Variants in PDK1 observed in about 807,000 individuals in gnomAD.
The protein encoded by PDK1 is pyruvate dehydrogenase kinase 1.
A neutral mutation model predicts 54.2 loss-of-function variants in PDK1; 39 were observed. That is an observed-to-expected ratio of 0.72 (90% CI 0.56 to 0.94). The LOEUF (loss-of-function observed/expected upper bound fraction) is 0.94, where lower values mean the gene tolerates loss of function less well. Ranked by LOEUF, PDK1 falls within the 40% of genes least tolerant of loss-of-function variation. The pLI, the probability that PDK1 is intolerant of heterozygous loss-of-function variation, is 0.00. For synonymous variants in PDK1, 221 were observed against 207.1 expected, an observed-to-expected ratio of 1.07 and a Z score of -0.58; for missense variants, 552 against 566.0, an observed-to-expected ratio of 0.98 and a Z score of 0.25.
the PDK1 span, among the ~76,000 whole-genome samples, chr2:172,668,904 T>TAGAGAG: frequency 4.3e-5 from 3 of 69,822 alleles, no homozygotes; most frequent in East Asian, 4.5e-4. Context: ...CATATATATA[T>TAGAGAG]ATAGAGAGAG....
At chr2:172,693,854 C>T in the PDK1 span, among the ~76,000 whole-genome samples, 1 of 152,156 alleles carries the variant, frequency 6.6e-6, no homozygotes, top group African/African-American at 2.4e-5. Context: ...TCTAGCCCAG[C>T]CCACTCCCTA....
the PDK1 span, among the ~76,000 whole-genome samples, chr2:172,662,752 A>G: frequency 1.3e-5 from 2 of 152,138 alleles, no homozygotes; most frequent in Non-Finnish European, 2.9e-5. Context: ...TAAATAATAC[A>G]TCCTTTTTTT....
upstream of PDK1, chr2:172,555,871 G>T (rs776172014): frequency 6.5e-6 from 2 of 307,596 alleles, no homozygotes; most frequent in Non-Finnish European, 1.2e-5. Flanking sequence ...CGGCGGCTGC[G>T]GCCTGGCGCG....
At chr2:172,622,759 CATT>C in the PDK1 span, among the ~76,000 whole-genome samples, 33 of 142,484 alleles carry the variant, frequency 2.3e-4, no homozygotes, top group South Asian at 4.5e-4. Context: ...GTTTATATCT[CATT>C]ATGTGAGATG....
At chr2:172,712,208 A>G in the PDK1 span, among the ~76,000 whole-genome samples, 1,101 of 152,362 alleles carry the variant, frequency 7.2e-3, 8 homozygotes, top group Non-Finnish European at 0.012. Flanking sequence ...AAAGAACAAG[A>G]TAAGTGAGTA....
intron 7 of PDK1, 74 bp downstream of exon 7, chr2:172,568,891 T>C: frequency 1.2e-6 from 1 of 816,754 alleles, no homozygotes; most frequent in Non-Finnish European, 2.2e-6. Flanking sequence ...AAGCCAAATA[T>C]TCCACTAGGT....
At chr2:172,627,241 T>A in the PDK1 span, among the ~76,000 whole-genome samples, 10 of 152,326 alleles carry the variant, frequency 6.6e-5, no homozygotes, top group African/African-American at 2.4e-4. Flanking sequence ...ACTCTTCAGT[T>A]CTCATGGTTT....
chr2:172,697,829 A>G, the PDK1 span, among the ~76,000 whole-genome samples: 1 of 152,208 alleles, frequency 6.6e-6, no homozygotes. Flanking sequence ...TCTCATTTAT[A>G]TTATACATTA....
chr2:172,638,484 G>T, the PDK1 span, among the ~76,000 whole-genome samples: 1 of 152,236 alleles, frequency 6.6e-6, no homozygotes, highest in African/African-American at 2.4e-5. Context: ...TATTTCTTTG[G>T]TGGAATCATA....
At chr2:172,556,579 A>T in intron 1 of PDK1, 1 of 377,662 alleles carries the variant, frequency 2.6e-6, no homozygotes, top group Non-Finnish European at 4.7e-6. Flanking sequence ...TTGAAAACAA[A>T]CCAGCTGGGC....
At chr2:172,619,493 TTTTTTTTAATCTAAAAGCATAAGCTTC>T in the PDK1 span, among the ~76,000 whole-genome samples, 1 of 151,952 alleles carries the variant, frequency 6.6e-6, no homozygotes, top group African/African-American at 2.4e-5. Flanking sequence ...CCTAGCTTTT[TTTTTTTTAATCTAAAAGCATAAGCTTC>T]AGAAATTTTA....
chr2:172,585,258 C>G (rs1246560686), intron 8 of PDK1, among the ~76,000 whole-genome samples: 1 of 151,518 alleles, frequency 6.6e-6, no homozygotes, highest in African/African-American at 2.4e-5. Context: ...CTCAGTCACC[C>G]AAAGTGTTGA....
chr2:172,595,251 G>T (rs116049483), intron 10 of PDK1, among the ~76,000 whole-genome samples: 1 of 151,924 alleles, frequency 6.6e-6, no homozygotes, highest in African/African-American at 2.4e-5. Flanking sequence ...TTTATTTTTT[G>T]TAGAGACAGG....
At chr2:172,655,331 C>T in the PDK1 span, among the ~76,000 whole-genome samples, 5 of 112,934 alleles carry the variant, frequency 4.4e-5, no homozygotes, top group East Asian at 1.3e-3. Context: ...TCACATTTCC[C>T]AGTGTTGAAC....
chr2:172,662,997 T>G, the PDK1 span, among the ~76,000 whole-genome samples: 2 of 152,212 alleles, frequency 1.3e-5, no homozygotes, highest in African/African-American at 2.4e-5. Flanking sequence ...GCATATTTGC[T>G]GAATGTAAGA....
At chr2:172,641,412 T>G in the PDK1 span, among the ~76,000 whole-genome samples, 1 of 150,712 alleles carries the variant, frequency 6.6e-6, no homozygotes, top group Non-Finnish European at 1.5e-5. Flanking sequence ...GGATTACAGG[T>G]GTAAGGTGCC....
the PDK1 span, among the ~76,000 whole-genome samples, chr2:172,704,256 G>C: frequency 6.6e-6 from 1 of 152,240 alleles, no homozygotes; most frequent in African/African-American, 2.4e-5. Flanking sequence ...ACTTCCCACA[G>C]CGAAGTGGTG....
chr2:172,567,325 G>T (rs1689012985), intron 6 of PDK1, among the ~76,000 whole-genome samples: 1 of 152,156 alleles, frequency 6.6e-6, no homozygotes, highest in South Asian at 2.1e-4. Context: ...GACATAGACT[G>T]GGGTTATAAA....
chr2:172,706,316 T>C, the PDK1 span, among the ~76,000 whole-genome samples: 1 of 152,196 alleles, frequency 6.6e-6, no homozygotes, highest in Admixed American at 6.5e-5. Context: ...TTCTAGTGTG[T>C]TTGTAATTGC....
Sources: gnomAD v4.1 joint callset for allele counts (sites outside exome capture counted in the v4.1 genomes callset) on GRCh38, gnomAD v4.1.1 for gene constraint, MANE v1.5 for transcripts, NCBI Gene and HGNC (gene_info 2026-07-23, HGNC 2026-07-21) for gene names.